The following LRP1B variants were observed in gnomAD, a reference collection of about 807,000 sequenced individuals.
LRP1B encodes the protein LDL receptor related protein 1B, also known as low-density lipoprotein receptor-related protein 1B.
LRP1B carries 217 observed loss-of-function variants against 556.6 expected under a neutral mutation model. The ratio of observed to expected loss-of-function variants is 0.39; its 90% CI spans 0.35 to 0.44. LRP1B has a LOEUF of 0.44. Ranked by LOEUF, LRP1B falls within the 20% of genes least tolerant of loss-of-function variation. The probability of loss-of-function intolerance (pLI) is 1.00; values close to 1 mark genes in which losing one functional copy is unlikely to be tolerated. For synonymous variants in LRP1B, 2,047 were observed against 1,865.8 expected, an observed-to-expected ratio of 1.10 and a Z score of -2.50; for missense variants, 5,053 against 5,620.8, an observed-to-expected ratio of 0.90 and a Z score of 3.23.
At chr2:141,633,299 A>C (rs990315399) in intron 2 of LRP1B, among the ~76,000 whole-genome samples, 9 of 152,140 alleles carry the variant, frequency 5.9e-5, no homozygotes, top group African/African-American at 2.2e-4. Flanking sequence ...CATGTCATCA[A>C]AATGACAGAG....
At chr2:141,947,900 G>A (rs985269282) in intron 1 of LRP1B, among the ~76,000 whole-genome samples, 4 of 151,712 alleles carry the variant, frequency 2.6e-5, no homozygotes, top group Non-Finnish European at 5.9e-5. Context: ...GTTTTGAGAC[G>A]TAGAAAGCAT....
chr2:141,430,520 T>C (rs1680524267), intron 3 of LRP1B, among the ~76,000 whole-genome samples: 1 of 152,130 alleles, frequency 6.6e-6, no homozygotes, highest in Non-Finnish European at 1.5e-5. Flanking sequence ...TCTTACAAAA[T>C]GACTGACATA....
At chr2:141,062,592 A>G (rs1027717229) in intron 7 of LRP1B, among the ~76,000 whole-genome samples, 8 of 151,812 alleles carry the variant, frequency 5.3e-5, no homozygotes, top group African/African-American at 1.7e-4. Flanking sequence ...CATTCAGTGT[A>G]AGCTTCAGAA....
At chr2:141,719,766 A>T (rs1473893628) in intron 2 of LRP1B, among the ~76,000 whole-genome samples, 1 of 152,148 alleles carries the variant, frequency 6.6e-6, no homozygotes, top group Non-Finnish European at 1.5e-5. Context: ...TAACACAGGA[A>T]CAGAAAACCA....
At chr2:140,233,574 C>T (rs2104871982) in intron 90 of LRP1B, among the ~76,000 whole-genome samples, 1 of 151,080 alleles carries the variant, frequency 6.6e-6, no homozygotes, top group African/African-American at 2.4e-5. Flanking sequence ...GGAGCTTTGC[C>T]ATATACAAAA....
intron 1 of LRP1B, among the ~76,000 whole-genome samples, chr2:141,987,220 A>G (rs1300895616): frequency 6.6e-6 from 1 of 151,986 alleles, no homozygotes; most frequent in Non-Finnish European, 1.5e-5. Context: ...TTTGACTATT[A>G]CACGGATCAA....
At chr2:140,445,261 G>A (rs530663411) in intron 63 of LRP1B, among the ~76,000 whole-genome samples, 9 of 151,842 alleles carry the variant, frequency 5.9e-5, no homozygotes, top group Non-Finnish European at 1.0e-4. Context: ...GATTACAGGC[G>A]CCCACCATCA....
chr2:141,554,822 T>G (rs948581429), intron 2 of LRP1B, among the ~76,000 whole-genome samples: 2 of 151,970 alleles, frequency 1.3e-5, no homozygotes, highest in African/African-American at 4.8e-5. Flanking sequence ...TCCACAGACC[T>G]GCAGCACCTG....
At chr2:141,973,691 G>A in intron 1 of LRP1B, among the ~76,000 whole-genome samples, 1 of 151,762 alleles carries the variant, frequency 6.6e-6, no homozygotes. Context: ...TTTGAGCAAA[G>A]CGGTATAATA....
chr2:141,839,160 G>C (rs1446881497), intron 1 of LRP1B, among the ~76,000 whole-genome samples: 1 of 152,124 alleles, frequency 6.6e-6, no homozygotes, highest in African/African-American at 2.4e-5. Flanking sequence ...AACAAGGTAG[G>C]TTATTGTCAT....
Position 142,082,934 on chromosome 2 carries a change from C to T in LRP1B, c.82+47714G>A, listed in dbSNP as rs571043290. ...ACATGAGATGTCTTGTTCTTCCCCA[C>T]GATTGTTATCTCTGCAAGATAAGAA... On this transcript the variant is annotated intron_variant, in intron 1 of 90. Coordinates refer to ENST00000389484, the MANE Select transcript of LRP1B (RefSeq NM_018557.3). Among the ~76,000 whole-genome samples the T allele has an allele frequency of 1.1e-3, 174 of 152,046 alleles. 6 individuals are homozygous for T. In the South Asian group the frequency reaches 0.035, roughly 30 times the overall value.
intron 3 of LRP1B, among the ~76,000 whole-genome samples, chr2:141,466,683 T>G (rs1682214603): frequency 6.6e-6 from 1 of 152,070 alleles, no homozygotes; most frequent in Non-Finnish European, 1.5e-5. Flanking sequence ...CAGTGGCCAT[T>G]TTTTGGCCAT....
chr2:140,877,648 C>T (rs1042688412), intron 25 of LRP1B, among the ~76,000 whole-genome samples: 1 of 152,164 alleles, frequency 6.6e-6, no homozygotes. Flanking sequence ...TTTACAGAGG[C>T]TAATCAGAAA....
intron 1 of LRP1B, among the ~76,000 whole-genome samples, chr2:142,060,310 T>C (rs913193465): frequency 3.3e-5 from 5 of 151,996 alleles, no homozygotes; most frequent in African/African-American, 1.2e-4. Flanking sequence ...CTTTTGTGAG[T>C]TACTGGGTGT....
At chr2:141,110,892 C>T (rs1700734397) in intron 7 of LRP1B, among the ~76,000 whole-genome samples, 1 of 152,184 alleles carries the variant, frequency 6.6e-6, no homozygotes, top group South Asian at 2.1e-4. Context: ...ATTATACCAA[C>T]TCTAGGCTTT....
intron 1 of LRP1B, among the ~76,000 whole-genome samples, chr2:142,102,111 G>T (rs1706586851): frequency 6.6e-6 from 1 of 151,970 alleles, no homozygotes; most frequent in Non-Finnish European, 1.5e-5. Context: ...GACATTGCAA[G>T]ATCTGAATTC....
chr2:140,323,614 TAAAA>T (rs1167578245), intron 81 of LRP1B, among the ~76,000 whole-genome samples: 10 of 151,706 alleles, frequency 6.6e-5, no homozygotes, highest in South Asian at 2.1e-4. Flanking sequence ...AATAATAAAA[TAAAA>T]GAATTTTAGA....
intron 2 of LRP1B, among the ~76,000 whole-genome samples, chr2:141,785,719 T>C (rs907229139): frequency 6.6e-6 from 1 of 151,186 alleles, no homozygotes; most frequent in South Asian, 2.1e-4. Context: ...TCTCCGTATA[T>C]AGTTCTTTCT....
intron 1 of LRP1B, among the ~76,000 whole-genome samples, chr2:141,999,903 C>T (rs923638205): frequency 5.3e-5 from 8 of 151,366 alleles, no homozygotes; most frequent in African/African-American, 1.9e-4. Flanking sequence ...AAACCGTCGA[C>T]CTTGTGTCCA....
Sources: gnomAD v4.1 joint callset for allele counts (sites outside exome capture counted in the v4.1 genomes callset) on GRCh38, gnomAD v4.1.1 for gene constraint, MANE v1.5 for transcripts, NCBI Gene and HGNC (gene_info 2026-07-23, HGNC 2026-07-21) for gene names.